PALS2: variants seen among roughly 807,000 people sequenced by gnomAD.
PALS2 encodes protein associated with LIN7 2, MAGUK p55 family member.
Under a neutral mutation model 61.6 loss-of-function variants are expected in PALS2, and 27 were observed. That is an observed-to-expected ratio of 0.44 (90% CI 0.32 to 0.60). The LOEUF is 0.60. Ranked by LOEUF, PALS2 falls within the 20% of genes least tolerant of loss-of-function variation. The probability of loss-of-function intolerance (pLI) is 0.05; values close to 1 mark genes in which losing one functional copy is unlikely to be tolerated. For missense variants in PALS2, 554 were observed against 639.4 expected, an observed-to-expected ratio of 0.87 and a Z score of 1.44; for synonymous variants, 236 against 218.6, an observed-to-expected ratio of 1.08 and a Z score of -0.70.
intron 1 of PALS2, among the ~76,000 whole-genome samples, chr7:24,592,466 G>C (rs975436233): frequency 2.0e-4 from 30 of 152,002 alleles, no homozygotes; most frequent in African/African-American, 6.5e-4. Flanking sequence ...CTGTATTAAG[G>C]AATTTTGATT....
chr7:24,595,513 TATAA>T (rs1294551228), intron 1 of PALS2, among the ~76,000 whole-genome samples: 2 of 90,088 alleles, frequency 2.2e-5, no homozygotes, highest in Non-Finnish European at 1.9e-5. Context: ...ATATATAATA[TATAA>T]TATATATAAT....
At chr7:24,682,649 C>T (rs2128034553) in intron 11 of PALS2, among the ~76,000 whole-genome samples, 1 of 152,264 alleles carries the variant, frequency 6.6e-6, no homozygotes, top group Middle Eastern at 3.4e-3. Context: ...ACATTTTGTC[C>T]ATAAATTAAT....
intron 1 of PALS2, among the ~76,000 whole-genome samples, chr7:24,605,576 T>A (rs958985222): frequency 4.6e-5 from 7 of 151,974 alleles, no homozygotes; most frequent in African/African-American, 1.7e-4. Context: ...TATGTAAATA[T>A]GTAAGAATAG....
chr7:24,602,742 T>C (rs1045895827), intron 1 of PALS2, among the ~76,000 whole-genome samples: 4 of 152,136 alleles, frequency 2.6e-5, no homozygotes, highest in African/African-American at 9.7e-5. Context: ...GTGGGTGATA[T>C]GGTTTGGCTT....
Position 24,687,172 on chromosome 7 carries a change from G to A in PALS2, c.1447-266G>A, listed in dbSNP as rs1196583580. On this transcript the variant is annotated intron_variant, in intron 11 of 11. Coordinates refer to ENST00000222644, the MANE Select transcript of PALS2 (RefSeq NM_001303037.2). This position sits in a 1 kb window ranked among gnomAD's most constrained non-coding sequence, Gnocchi z 4.5. ...ATTCATTCCAAGATTATTTTCAGCA[G>A]TCTTTTAATTAGGAATTTTATCCTA... 6.6e-6 allele frequency among the ~76,000 whole-genome samples: 1 copy of A among 152,170 alleles called. No individual in the cohort carries two copies. Among genetic ancestry groups the A allele is most frequent in the East Asian group, 1.9e-4 (1 of 5,196 alleles).
intron 1 of PALS2, among the ~76,000 whole-genome samples, chr7:24,577,502 G>A (rs150238350): frequency 0.015 from 2,317 of 151,980 alleles, 72 homozygotes; most frequent in African/African-American, 0.054. Flanking sequence ...TGCTAGTTTT[G>A]TACATGATTT....
At chr7:24,662,086 A>G (rs889707117) in intron 5 of PALS2, among the ~76,000 whole-genome samples, 1 of 152,218 alleles carries the variant, frequency 6.6e-6, no homozygotes, top group Non-Finnish European at 1.5e-5. Flanking sequence ...AAAATTATAT[A>G]TCAGGAAAAA....
At chr7:24,661,557 A>G (rs1258379520) in intron 5 of PALS2, among the ~76,000 whole-genome samples, 3 of 152,156 alleles carry the variant, frequency 2.0e-5, no homozygotes, top group South Asian at 4.1e-4. Flanking sequence ...TTCTCTTGCT[A>G]TTCTTCAATC....
intron 1 of PALS2, among the ~76,000 whole-genome samples, chr7:24,587,030 AT>A (rs56074140): frequency 8.8e-4 from 119 of 134,882 alleles, no homozygotes; most frequent in African/African-American, 2.8e-3. Flanking sequence ...TGTTTAAAGG[AT>A]TTTTTTTTTG....
At position 24,680,404 on chromosome 7, in the gene PALS2, T is replaced by C. The variant is rs750533355; in HGVS notation, c.1330T>C (p.Leu444=). 3 of 1,612,488 alleles carry C rather than the reference T, an allele frequency of 1.9e-6. No individual in the cohort carries two copies. Among genetic ancestry groups the C allele is most frequent in the Non-Finnish European group, 8.5e-7 (1 of 1,178,606 alleles). Residue 444 remains leucine (L), a synonymous_variant, in exon 11 of 12, where the codon TTG becomes CTG. Transcript: ENST00000222644. ...TTCTTTTACACAGGCACTGAAAGTA[T>C]TGAGGACATCAGAGTTTATGCCCTA... ...LDVNPQALKV[L]RTSEFMPYVV...
intron 1 of PALS2, among the ~76,000 whole-genome samples, chr7:24,608,224 C>G (rs896903026): frequency 1.3e-5 from 2 of 151,884 alleles, no homozygotes; most frequent in African/African-American, 4.8e-5. Context: ...GATTATTGTT[C>G]CTTTTACATT....
intron 3 of PALS2, among the ~76,000 whole-genome samples, chr7:24,645,656 T>C (rs773691472): frequency 3.7e-4 from 57 of 152,134 alleles, no homozygotes; most frequent in Non-Finnish European, 6.9e-4. Context: ...CTGTGAAGAA[T>C]GTCATTGGTA....
intron 8 of PALS2, among the ~76,000 whole-genome samples, chr7:24,666,422 A>G: frequency 6.6e-6 from 1 of 152,188 alleles, no homozygotes; most frequent in African/African-American, 2.4e-5. Context: ...TTTCTAAAGG[A>G]TAGAATGCCT....
chr7:24,675,281 A>T (rs1462649671), intron 9 of PALS2, among the ~76,000 whole-genome samples: 1 of 152,202 alleles, frequency 6.6e-6, no homozygotes, highest in East Asian at 1.9e-4. Flanking sequence ...ATTAATTTTT[A>T]AAATTAATGT....
chr7:24,645,039 T>A (rs1362333188), intron 3 of PALS2, among the ~76,000 whole-genome samples: 8 of 152,158 alleles, frequency 5.3e-5, no homozygotes, highest in African/African-American at 1.9e-4. Flanking sequence ...ATACTAGACA[T>A]TTGTCAGATG....
intron 2 of PALS2, among the ~76,000 whole-genome samples, chr7:24,634,429 A>G (rs2128065399): frequency 6.6e-6 from 1 of 152,208 alleles, no homozygotes; most frequent in African/African-American, 2.4e-5. Context: ...ACGGGGTTTC[A>G]CCGTGTTAGC....
chr7:24,623,050 A>G (rs1057435798), intron 1 of PALS2, among the ~76,000 whole-genome samples: 10 of 151,940 alleles, frequency 6.6e-5, no homozygotes, highest in Non-Finnish European at 1.0e-4. Flanking sequence ...TTGTTTGTAT[A>G]TGTCACTGGA....
intron 2 of PALS2, 28 bp from the exon 3 acceptor site, chr7:24,641,688 C>A (rs1785562070): frequency 1.3e-6 from 2 of 1,531,620 alleles, no homozygotes; most frequent in Non-Finnish European, 1.8e-6. Flanking sequence ...ATAAGTATTA[C>A]TACTTTAATA....
At chr7:24,662,141 G>A (rs964496901) in intron 5 of PALS2, among the ~76,000 whole-genome samples, 2 of 152,144 alleles carry the variant, frequency 1.3e-5, no homozygotes, top group Non-Finnish European at 2.9e-5. Flanking sequence ...AGCTTTTCTA[G>A]AGTAGTTGAA....
Sources: allele counts gnomAD v4.1 joint callset (sites outside exome capture counted in the v4.1 genomes callset), GRCh38; gene constraint gnomAD v4.1.1; non-coding constraint Gnocchi (gnomAD v3.1); transcripts MANE v1.5; gene names NCBI Gene and HGNC (gene_info 2026-07-23, HGNC 2026-07-21).